Variants in SEMA6D observed in about 807,000 individuals in gnomAD.
The protein encoded by SEMA6D is semaphorin-6D.
In SEMA6D, 35 loss-of-function variants were observed where a neutral mutation model predicts 106.6. That is an observed-to-expected ratio of 0.33 (90% CI 0.25 to 0.44). The LOEUF (loss-of-function observed/expected upper bound fraction) is 0.44. Ranked by LOEUF, SEMA6D falls within the 20% of genes least tolerant of loss-of-function variation. SEMA6D has a pLI of 1.00. For synonymous variants in SEMA6D, 499 were observed against 487.7 expected, an observed-to-expected ratio of 1.02 and a Z score of -0.31; for missense variants, 1,185 against 1,345.9, an observed-to-expected ratio of 0.88 and a Z score of 1.87.
Position 47,672,101 on chromosome 15 carries a change from C to T in SEMA6D, c.-55+71205C>T, listed in dbSNP as rs2078148686. ...ATCACATATAATTCTTATAATATCC[C>T]TTTGTGATATATTTATCTCCATTTT... is the stretch of plus-strand genomic sequence containing the variant. On this transcript the variant is annotated intron_variant, in intron 4 of 19. Coordinates refer to the SEMA6D transcript ENST00000558014. 2.0e-5 allele frequency among the ~76,000 whole-genome samples: 3 copies of T among 152,064 alleles called. No individual in the cohort carries two copies. In the South Asian group the frequency reaches 6.2e-4, roughly 32 times the overall value.
intron 2 of SEMA6D, among the ~76,000 whole-genome samples, chr15:47,466,714 T>C (rs1316089616): frequency 6.6e-6 from 1 of 151,344 alleles, no homozygotes; most frequent in Non-Finnish European, 1.5e-5. Flanking sequence ...GCAGTTCTGT[T>C]TTTAGGTGTG....
chr15:47,578,718 G>A (rs1164897715), intron 3 of SEMA6D, among the ~76,000 whole-genome samples: 2 of 152,090 alleles, frequency 1.3e-5, no homozygotes, highest in Non-Finnish European at 2.9e-5. Flanking sequence ...GTTGTGTTTT[G>A]AGGAAATTCT....
chr15:47,550,332 G>A (rs2045646795), intron 3 of SEMA6D, among the ~76,000 whole-genome samples: 1 of 152,122 alleles, frequency 6.6e-6, no homozygotes, highest in Non-Finnish European at 1.5e-5. Context: ...CAAGAGAGGT[G>A]TAGAGACAGA....
chr15:47,307,875 G>A (rs1014730000), intron 1 of SEMA6D, among the ~76,000 whole-genome samples: 8 of 151,978 alleles, frequency 5.3e-5, no homozygotes, highest in African/African-American at 1.5e-4. Flanking sequence ...AGATATTTAC[G>A]AGAATTACAT....
At chr15:47,633,819 T>C (rs543904713) in intron 4 of SEMA6D, among the ~76,000 whole-genome samples, 25 of 152,334 alleles carry the variant, frequency 1.6e-4, no homozygotes, top group African/African-American at 5.3e-4. Flanking sequence ...ATTTTTTCAG[T>C]GCATTTTCTC....
intron 3 of SEMA6D, among the ~76,000 whole-genome samples, chr15:47,527,243 T>G (rs1480112581): frequency 1.3e-5 from 2 of 152,092 alleles, no homozygotes; most frequent in Non-Finnish European, 2.9e-5. Flanking sequence ...AAAGTGGCAG[T>G]GACACACTAA....
At chr15:47,411,237 A>C (rs542553784) in intron 1 of SEMA6D, among the ~76,000 whole-genome samples, 1 of 152,050 alleles carries the variant, frequency 6.6e-6, no homozygotes, top group East Asian at 1.9e-4. Context: ...CTGGGACTAC[A>C]GGCGCTTGCC....
intron 1 of SEMA6D, among the ~76,000 whole-genome samples, chr15:47,231,782 G>A (rs1481055763): frequency 6.6e-6 from 1 of 151,908 alleles, no homozygotes; most frequent in Non-Finnish European, 1.5e-5. Context: ...CTGTCTGAGG[G>A]TAATCCATAG....
intron 3 of SEMA6D, among the ~76,000 whole-genome samples, chr15:47,599,141 C>T (rs935613362): frequency 6.6e-6 from 1 of 152,048 alleles, no homozygotes; most frequent in Admixed American, 6.5e-5. Context: ...ATAAACTCCC[C>T]AACAGAATCT....
At chr15:47,224,172 A>G (rs184489591) in intron 1 of SEMA6D, among the ~76,000 whole-genome samples, 22 of 151,642 alleles carry the variant, frequency 1.5e-4, no homozygotes, top group Admixed American at 1.4e-3. Flanking sequence ...AAAGAAAAAA[A>G]AATAATAAAA....
chr15:47,294,818 A>G (rs1474758505), intron 1 of SEMA6D, among the ~76,000 whole-genome samples: 2 of 152,188 alleles, frequency 1.3e-5, no homozygotes, highest in Non-Finnish European at 2.9e-5. Context: ...TTAAATGTTT[A>G]TTCTTTTCAG....
intron 2 of SEMA6D, among the ~76,000 whole-genome samples, chr15:47,425,863 C>G (rs281227): frequency 0.032 from 4,826 of 152,018 alleles, 303 homozygotes; most frequent in African/African-American, 0.11. Context: ...CAAATTTATT[C>G]TCTTCCATTT....
intron 1 of SEMA6D, among the ~76,000 whole-genome samples, chr15:47,258,794 C>T (rs1303214806): frequency 6.6e-6 from 1 of 152,044 alleles, no homozygotes; most frequent in Non-Finnish European, 1.5e-5. Flanking sequence ...TTATCATATA[C>T]ATAACACTTG....
chr15:47,201,900 G>C (rs1432741156), intron 1 of SEMA6D, among the ~76,000 whole-genome samples: 1 of 152,076 alleles, frequency 6.6e-6, no homozygotes, highest in African/African-American at 2.4e-5. Context: ...CCTGATGTCA[G>C]TTCCCACACT....
At chr15:47,547,107 A>G (rs1415368513) in intron 3 of SEMA6D, among the ~76,000 whole-genome samples, 5 of 152,100 alleles carry the variant, frequency 3.3e-5, no homozygotes, top group Admixed American at 2.6e-4. Context: ...CATTAAATCA[A>G]CGTATACATA....
chr15:47,622,830 G>A (rs1336225869), intron 4 of SEMA6D, among the ~76,000 whole-genome samples: 1 of 152,122 alleles, frequency 6.6e-6, no homozygotes, highest in African/African-American at 2.4e-5. Flanking sequence ...CCACCTGAGG[G>A]GTTTGTAAAC....
intron 3 of SEMA6D, among the ~76,000 whole-genome samples, chr15:47,496,727 G>C (rs570747871): frequency 6.6e-6 from 1 of 151,684 alleles, no homozygotes; most frequent in South Asian, 2.1e-4. Context: ...CTGATTTCTT[G>C]TTTGCCTGGA....
chr15:47,711,345 A>G (rs2079020064), intron 4 of SEMA6D, among the ~76,000 whole-genome samples: 1 of 150,954 alleles, frequency 6.6e-6, no homozygotes, highest in South Asian at 2.1e-4. Context: ...ATAGGCGTGA[A>G]TTATTTTTAC....
rs78293687 is a variant in SEMA6D at position 47,761,171 on chromosome 15, G to A, written c.296G>A (p.Arg99Gln). ...TGATTAATACAGAAACTGACATGGC[G>A]ATCAAGACAACAGGATCGAGAAAAC... Reference protein sequence around the residue: ...EVIPNKKLTWRSRQQDRENCA... With the variant: ...EVIPNKKLTWQSRQQDRENCA... Residue 99 changes from arginine (R) to glutamine (Q), a missense_variant, in exon 5 of 19, where the codon CGA becomes CAA. By Grantham distance (43) the Arg-to-Gln change is conservative (BLOSUM62 1). Around this residue, in one of 3 missense-constraint regions of SEMA6D, gnomAD observed 144 missense variants for 138.6 expected, o/e 1.04. Coordinates refer to ENST00000536845, the MANE Select transcript of SEMA6D (RefSeq NM_001358351.3). 289 of 1,613,698 alleles carry A rather than the reference G, an allele frequency of 1.8e-4. 1 individual carries two copies. The African/African-American group carries it at 3.5e-3, about 20-fold the overall frequency.
Sources: allele counts gnomAD v4.1 joint callset (sites outside exome capture counted in the v4.1 genomes callset), GRCh38; gene constraint gnomAD v4.1.1; regional missense constraint gnomAD v4.1.1; transcripts MANE v1.5; gene names NCBI Gene and HGNC (gene_info 2026-07-23, HGNC 2026-07-21).